STPG2: variants seen among roughly 807,000 people sequenced by gnomAD.
The protein encoded by STPG2 is sperm tail PG-rich repeat containing 2.
A neutral mutation model predicts 54.2 loss-of-function variants in STPG2; 56 were observed. The observed-to-expected ratio is 1.03, with a 90% confidence interval of 0.83 to 1.29. The LOEUF (loss-of-function observed/expected upper bound fraction) is 1.29, where lower values mean the gene tolerates loss of function less well. STPG2 is among the 50% of genes most tolerant of loss of function. STPG2 has a pLI of 0.00. For missense variants in STPG2, 596 were observed against 544.9 expected (o/e 1.09, Z -0.93); for synonymous variants, 200 against 181.8 (o/e 1.10, Z -0.81).
intron 10 of STPG2, among the ~76,000 whole-genome samples, chr4:97,642,698 G>A (rs1043533290): frequency 1.3e-5 from 2 of 151,440 alleles, no homozygotes; most frequent in Admixed American, 6.6e-5. Context: ...AACAATTCAC[G>A]TAGGCACAAC....
chr4:98,018,953 T>C (rs1736071747), intron 5 of STPG2, among the ~76,000 whole-genome samples: 1 of 152,044 alleles, frequency 6.6e-6, no homozygotes, highest in Non-Finnish European at 1.5e-5. Flanking sequence ...GAAAATTTTC[T>C]CCCAATTTCT....
chr4:97,981,395 T>C (rs753575130), intron 5 of STPG2, 77 bp from the exon 6 acceptor site: 76 of 1,425,458 alleles, frequency 5.3e-5, no homozygotes, highest in Admixed American at 3.8e-4. Flanking sequence ...ACCTGCCTTT[T>C]GAGTAATATA....
intron 10 of STPG2, among the ~76,000 whole-genome samples, chr4:97,571,583 G>A (rs1160314156): frequency 6.6e-6 from 1 of 152,028 alleles, no homozygotes; most frequent in South Asian, 2.1e-4. Context: ...CCAGGTCTTT[G>A]GATAAACTCA....
At chr4:97,830,323 C>A (rs529444711) in intron 9 of STPG2, among the ~76,000 whole-genome samples, 2 of 152,048 alleles carry the variant, frequency 1.3e-5, no homozygotes. Flanking sequence ...CAATCAAATG[C>A]GGAGAGATTT....
chr4:98,068,243 T>G (rs1310087297), intron 5 of STPG2, among the ~76,000 whole-genome samples: 2 of 152,158 alleles, frequency 1.3e-5, no homozygotes, highest in Admixed American at 6.6e-5. Context: ...CAAACATCAC[T>G]TCTAAAGAAG....
chr4:97,838,577 T>G (rs1375570851), intron 9 of STPG2, among the ~76,000 whole-genome samples: 1 of 151,458 alleles, frequency 6.6e-6, no homozygotes, highest in Non-Finnish European at 1.5e-5. Flanking sequence ...ATTTAGAGAC[T>G]TGATAATATC....
intron 9 of STPG2, among the ~76,000 whole-genome samples, chr4:97,718,427 A>G (rs775276518): frequency 7.2e-5 from 11 of 152,038 alleles, no homozygotes; most frequent in Non-Finnish European, 1.5e-5. Flanking sequence ...TCTGCTAGGA[A>G]AAAGCTAGAG....
intron 4 of STPG2, among the ~76,000 whole-genome samples, chr4:97,493,003 T>C (rs1191324299): frequency 6.7e-6 from 1 of 149,724 alleles, no homozygotes; most frequent in African/African-American, 2.4e-5. Context: ...GCAAAAGTAA[T>C]GTCCTGAGAT....
chr4:98,117,641 CATA>C (rs1739559697), intron 3 of STPG2, among the ~76,000 whole-genome samples: 1 of 152,044 alleles, frequency 6.6e-6, no homozygotes, highest in African/African-American at 2.4e-5. Context: ...CATCAGACTG[CATA>C]ATATCAATTG....
At position 97,491,005 on chromosome 4, in the gene STPG2, C is replaced by A. The variant is rs138724982; in HGVS notation, c.462+221694G>T. On this transcript the variant is annotated intron_variant, in intron 4 of 4. Transcript: ENST00000522676. ...ATTCTCTTTCTGATTCACTAACTTG[C>A]AATTTTTTGGATTATTTTTTCCTAA... 7.9e-4 allele frequency among the ~76,000 whole-genome samples: 120 copies of A among 151,598 alleles called. 1 individual carries two copies. Among genetic ancestry groups the A allele is most frequent in the South Asian group, 2.1e-3 (10 of 4,818 alleles).
chr4:97,699,110 A>G (rs1723682446), intron 10 of STPG2, among the ~76,000 whole-genome samples: 1 of 152,164 alleles, frequency 6.6e-6, no homozygotes, highest in African/African-American at 2.4e-5. Flanking sequence ...TTGGCTGATC[A>G]CCCTGAGGAA....
intron 5 of STPG2, among the ~76,000 whole-genome samples, chr4:97,988,210 C>T (rs1185142523): frequency 6.6e-6 from 1 of 152,148 alleles, no homozygotes; most frequent in African/African-American, 2.4e-5. Flanking sequence ...CTTCAGATTT[C>T]TCCTTCATTA....
At chr4:97,818,921 C>G (rs2149102952) in intron 9 of STPG2, among the ~76,000 whole-genome samples, 1 of 148,174 alleles carries the variant, frequency 6.7e-6, no homozygotes, top group African/African-American at 2.5e-5. Flanking sequence ...TTTACTCTCT[C>G]TGTATATATA....
chr4:97,935,222 G>A (rs1337945309), intron 8 of STPG2, among the ~76,000 whole-genome samples: 1 of 151,842 alleles, frequency 6.6e-6, no homozygotes, highest in Non-Finnish European at 1.5e-5. Context: ...ACTTTTTATT[G>A]TGTCCACTTG....
At chr4:97,772,377 A>G (rs1008920700) in intron 9 of STPG2, among the ~76,000 whole-genome samples, 2 of 152,208 alleles carry the variant, frequency 1.3e-5, no homozygotes, top group Non-Finnish European at 2.9e-5. Flanking sequence ...GTAATGGTTT[A>G]TACAAAACAA....
At chr4:97,558,222 G>T (rs1343439209), downstream of STPG2, among the ~76,000 whole-genome samples, 1 of 152,168 alleles carries the variant, frequency 6.6e-6, no homozygotes, top group African/African-American at 2.4e-5. Flanking sequence ...GAATGTGCCA[G>T]TCTGGGAAAT....
intron 4 of STPG2, among the ~76,000 whole-genome samples, chr4:97,490,661 G>A (rs1289553912): frequency 6.6e-6 from 1 of 151,640 alleles, no homozygotes; most frequent in African/African-American, 2.4e-5. Flanking sequence ...AGTACTGTCT[G>A]CATGTATAGG....
intron 4 of STPG2, among the ~76,000 whole-genome samples, chr4:97,495,926 T>G (rs1730602439): frequency 6.6e-6 from 1 of 151,638 alleles, no homozygotes; most frequent in African/African-American, 2.4e-5. Context: ...TTTGCTGTTT[T>G]TTCCTTAAAT....
intron 10 of STPG2, among the ~76,000 whole-genome samples, chr4:97,708,864 G>A (rs1439625858): frequency 6.6e-6 from 1 of 150,912 alleles, no homozygotes; most frequent in Non-Finnish European, 1.5e-5. Context: ...TAGACAAGTG[G>A]GTAATCTGCT....
Sources: gnomAD v4.1 joint callset for allele counts (sites outside exome capture counted in the v4.1 genomes callset) on GRCh38, gnomAD v4.1.1 for gene constraint, MANE v1.5 for transcripts, NCBI Gene and HGNC (gene_info 2026-07-23, HGNC 2026-07-21) for gene names.